Variants in PLD5 observed in about 807,000 individuals in gnomAD.
The protein encoded by PLD5 is inactive phospholipase D5.
A neutral mutation model predicts 61.1 loss-of-function variants in PLD5; 36 were observed. That is an observed-to-expected ratio of 0.59 (90% CI 0.45 to 0.78). The LOEUF is 0.78. Among genes scored for constraint, PLD5 ranks in the 30% least tolerant of loss-of-function variants. PLD5 has a pLI of 0.00. For synonymous variants in PLD5, 243 were observed against 242.8 expected, an observed-to-expected ratio of 1.00 and a Z score of -0.01; for missense variants, 515 against 644.4, an observed-to-expected ratio of 0.80 and a Z score of 2.17.
At chr1:242,481,962 C>A (rs1314175527) in intron 1 of PLD5, among the ~76,000 whole-genome samples, 1 of 152,168 alleles carries the variant, frequency 6.6e-6, no homozygotes, top group Non-Finnish European at 1.5e-5. Flanking sequence ...CTGGAGTGGA[C>A]CTCCAGCAAA....
Position 242,256,136 on chromosome 1 carries a change from C to T in PLD5, c.607+9201G>A, listed in dbSNP as rs1386919816. 6.6e-6 allele frequency among the ~76,000 whole-genome samples: 1 copy of T among 152,180 alleles called. No homozygotes were observed. The highest frequency in any genetic ancestry group is 1.9e-4 in the East Asian group (1 of 5,172). On this transcript the variant is annotated intron_variant, in intron 4 of 9. Coordinates refer to ENST00000536534, the MANE Select transcript of PLD5 (RefSeq NM_001372062.1). This position sits in a 1 kb window ranked among gnomAD's most constrained non-coding sequence, Gnocchi z 5.7. ...TTGGGGTCACTTTTAAACTGGGTGT[C>T]TGAGACAGTCACTCAGCAAATGTAT...
chr1:242,448,230 A>T (rs1247085443), intron 1 of PLD5, among the ~76,000 whole-genome samples: 1 of 152,114 alleles, frequency 6.6e-6, no homozygotes, highest in Non-Finnish European at 1.5e-5. Flanking sequence ...TGATCTAGGG[A>T]TGGTGCATGA....
intron 2 of PLD5, among the ~76,000 whole-genome samples, chr1:242,300,556 T>C (rs904410931): frequency 4.1e-5 from 6 of 148,046 alleles, no homozygotes; most frequent in African/African-American, 1.3e-4. Context: ...ATCTAGGGAG[T>C]GAGGTGGGGC....
At chr1:242,101,066 G>A (rs1431410000) in intron 8 of PLD5, among the ~76,000 whole-genome samples, 1 of 152,170 alleles carries the variant, frequency 6.6e-6, no homozygotes, top group Non-Finnish European at 1.5e-5. Flanking sequence ...GGGCCAGAAG[G>A]TTGTTTAATT....
intron 3 of PLD5, among the ~76,000 whole-genome samples, chr1:242,273,965 G>T (rs1674262138): frequency 1.3e-5 from 2 of 152,158 alleles, no homozygotes; most frequent in South Asian, 4.1e-4. Context: ...TGACACCTTG[G>T]TTTTGATCCG....
At chr1:242,251,254 A>C (rs1038180431) in intron 4 of PLD5, among the ~76,000 whole-genome samples, 7 of 152,178 alleles carry the variant, frequency 4.6e-5, no homozygotes, top group African/African-American at 1.7e-4. Context: ...TCAATGCAGC[A>C]AGAGTAAATA....
intron 4 of PLD5, among the ~76,000 whole-genome samples, chr1:242,261,858 A>C (rs1359479689): frequency 6.6e-6 from 1 of 152,360 alleles, no homozygotes; most frequent in East Asian, 1.9e-4. Flanking sequence ...CAAACAGAAC[A>C]TTAACATAGT....
At chr1:242,326,420 G>T (rs1475474917) in intron 2 of PLD5, among the ~76,000 whole-genome samples, 2 of 152,082 alleles carry the variant, frequency 1.3e-5, no homozygotes, top group South Asian at 2.1e-4. Context: ...AAGAGTCAGG[G>T]ACTGGATTCC....
intron 5 of PLD5, chr1:242,203,589 T>C (rs55924863): frequency 0.13 from 20,247 of 152,246 alleles, 1,495 homozygotes; most frequent in South Asian, 0.25. Context: ...CGAGATCTGA[T>C]TGTTTAAAAG....
intron 5 of PLD5, among the ~76,000 whole-genome samples, chr1:242,156,286 AGGTCTTGACTCTTTATC>A (rs1665362515): frequency 6.6e-6 from 1 of 152,094 alleles, no homozygotes. Flanking sequence ...GCAGACTGAT[AGGTCTTGACTCTTTATC>A]CAATTTGCCA....
At chr1:242,202,184 G>C (rs753756439) in intron 5 of PLD5, among the ~76,000 whole-genome samples, 1 of 152,092 alleles carries the variant, frequency 6.6e-6, no homozygotes, top group Non-Finnish European at 1.5e-5. Context: ...TTGCACTCCA[G>C]CCTGGGTGAC....
rs542640732 is a variant in PLD5, at chr1:242,303,837, G to A, written c.327-15307C>T. ...TATCATTGTTCAAGGATGATGTCAA[G>A]TGCTTTTCCACGAGAGGGCGATTAT... On this transcript the variant is annotated intron_variant, in intron 2 of 9. Coordinates refer to ENST00000536534, the MANE Select transcript of PLD5 (RefSeq NM_001372062.1). Among the ~76,000 whole-genome samples the A allele has an allele frequency of 3.3e-5, 5 of 152,336 alleles. No homozygotes were observed. The East Asian group carries it at 9.6e-4, about 29-fold the overall frequency.
At chr1:242,435,683 G>C (rs886207562) in intron 1 of PLD5, among the ~76,000 whole-genome samples, 1 of 152,162 alleles carries the variant, frequency 6.6e-6, no homozygotes, top group Non-Finnish European at 1.5e-5. Context: ...CAGAGGCTTG[G>C]AGAAGCCTAG....
intron 2 of PLD5, among the ~76,000 whole-genome samples, chr1:242,318,535 T>C (rs1558459577): frequency 1.3e-5 from 2 of 152,218 alleles, no homozygotes; most frequent in Admixed American, 1.3e-4. Context: ...GCATCTTGGT[T>C]CCTGGAACCA....
At chr1:242,397,918 A>G (rs1198058194) in intron 1 of PLD5, among the ~76,000 whole-genome samples, 1 of 152,064 alleles carries the variant, frequency 6.6e-6, no homozygotes, top group Non-Finnish European at 1.5e-5. Flanking sequence ...CTCACTTCAA[A>G]TCACTCTAGA....
At chr1:242,289,776 C>A (rs1231273347) in intron 2 of PLD5, among the ~76,000 whole-genome samples, 1 of 152,208 alleles carries the variant, frequency 6.6e-6, no homozygotes, top group Admixed American at 6.5e-5. Context: ...TCACAAAATA[C>A]TTACAGAATA....
chr1:242,351,411 G>A (rs1161849977), intron 1 of PLD5, among the ~76,000 whole-genome samples: 4 of 152,296 alleles, frequency 2.6e-5, no homozygotes, highest in South Asian at 4.1e-4. Context: ...TGGAAGGGAC[G>A]AGGCAGGAGG....
intron 2 of PLD5, among the ~76,000 whole-genome samples, chr1:242,309,052 C>A (rs1474864664): frequency 6.6e-6 from 1 of 151,962 alleles, no homozygotes; most frequent in Non-Finnish European, 1.5e-5. Context: ...TATGAGAAAT[C>A]AAGGAAACAG....
intron 1 of PLD5, among the ~76,000 whole-genome samples, chr1:242,423,943 T>C (rs1207309809): frequency 6.6e-6 from 1 of 152,216 alleles, no homozygotes; most frequent in Non-Finnish European, 1.5e-5. Flanking sequence ...CTCATGCAAG[T>C]ATAGTTTACC....
Sources: gnomAD v4.1 joint callset for allele counts (sites outside exome capture counted in the v4.1 genomes callset) on GRCh38, gnomAD v4.1.1 for gene constraint, Gnocchi (gnomAD v3.1) non-coding constraint, MANE v1.5 for transcripts, NCBI Gene and HGNC (gene_info 2026-07-23, HGNC 2026-07-21) for gene names.